NMT1: variants seen among roughly 807,000 people sequenced by gnomAD.
The protein encoded by NMT1 is N-myristoyltransferase 1.
NMT1 carries 12 observed loss-of-function variants against 63.4 expected under a neutral mutation model. The observed-to-expected ratio is 0.19, with a 90% CI of 0.12 to 0.31. NMT1 has a LOEUF of 0.31. Among genes scored for constraint, NMT1 ranks in the 10% least tolerant of loss-of-function variants. The pLI is 1.00. For synonymous variants in NMT1, 228 were observed against 234.3 expected (o/e 0.97, Z 0.25); for missense variants, 432 against 634.6 (o/e 0.68, Z 3.43).
chr17:45,077,475 T>TC (rs2053985563), intron 1 of NMT1, among the ~76,000 whole-genome samples: 1 of 152,184 alleles, frequency 6.6e-6, no homozygotes, highest in Non-Finnish European at 1.5e-5. Flanking sequence ...ACCACAATCT[T>TC]CACCTCCCAG....
intron 2 of NMT1, among the ~76,000 whole-genome samples, chr17:45,085,728 C>G (rs1567866756): frequency 6.6e-6 from 1 of 152,168 alleles, no homozygotes. Context: ...CATCATATAG[C>G]TCATTGTCAA....
intron 3 of NMT1, among the ~76,000 whole-genome samples, chr17:45,090,319 C>A (rs2054079945): frequency 6.6e-6 from 1 of 152,090 alleles, no homozygotes; most frequent in African/African-American, 2.4e-5. Context: ...AATGAAAGGC[C>A]TTCTTAGCAG....
intron 1 of NMT1, among the ~76,000 whole-genome samples, chr17:45,079,154 G>T (rs942562278): frequency 6.6e-6 from 1 of 150,730 alleles, no homozygotes; most frequent in Non-Finnish European, 1.5e-5. Context: ...CCCAGAGCTG[G>T]AGTGCAATGG....
rs557396383 is a variant in NMT1, at chr17:45,068,996, T to C, written c.131+7536T>C. 3.6e-4 allele frequency among the ~76,000 whole-genome samples: 54 copies of C among 151,758 alleles called. No individual in the cohort carries two copies. The South Asian group carries it at 0.011, about 31-fold the overall frequency. ...GTTTTTTTGAGACAGAGTCTCACTC[T>C]GTCGCCCAGGCTGGAGTGCAGTGGC... is the stretch of plus-strand genomic sequence containing the variant. On this transcript the variant is annotated intron_variant, in intron 1 of 11. Transcript: ENST00000258960.
chr17:45,086,740 G>T, intron 3 of NMT1, 88 bp downstream of exon 3: 5 of 1,405,090 alleles, frequency 3.6e-6, no homozygotes, highest in Non-Finnish European at 4.8e-6. Context: ...CTGAATTACT[G>T]TAGGGAGGGC....
intron 1 of NMT1, among the ~76,000 whole-genome samples, chr17:45,065,419 T>G (rs551202945): frequency 2.8e-4 from 42 of 152,030 alleles, no homozygotes; most frequent in Non-Finnish European, 5.4e-4. Flanking sequence ...GGTCAGGAGA[T>G]CGAGACCATC....
chr17:45,097,414 C>G (rs538833550), intron 6 of NMT1, among the ~76,000 whole-genome samples, 170 bp downstream of exon 6: 2 of 152,146 alleles, frequency 1.3e-5, no homozygotes, highest in Non-Finnish European at 2.9e-5. Flanking sequence ...ACCACCTGTT[C>G]TGCTCAGAGT....
At chr17:45,084,878 G>A (rs748921159) in intron 2 of NMT1, among the ~76,000 whole-genome samples, 10 of 152,100 alleles carry the variant, frequency 6.6e-5, no homozygotes, top group Non-Finnish European at 1.5e-4. Flanking sequence ...CATTTCAAAA[G>A]TGCATACCTT....
rs1029970421 is a variant in NMT1 at position 45,061,577 on chromosome 17, G to A, written c.131+117G>A. On this transcript the variant is annotated intron_variant, in intron 1 of 11. Transcript: ENST00000258960. ...CCACCCTCATGTTCTTATTGGCTAA[G>A]TCACTAGGATTCTGCCTGGCGATTG... 6.0e-4 allele frequency: 530 copies of A among 879,714 alleles called. 8 individuals carry two copies. The highest frequency in any genetic ancestry group is 4.0e-3 in the Middle Eastern group (11 of 2,782). The allele number at this position is 879,714 out of a possible 1,614,324, so 54.5% of individuals were successfully genotyped here. A position where few individuals can be genotyped will look rare whatever the true frequency, so the allele number is the denominator to read the frequency against.
chr17:45,080,285 C>A (rs888866611), intron 1 of NMT1, among the ~76,000 whole-genome samples: 3 of 151,856 alleles, frequency 2.0e-5, no homozygotes, highest in African/African-American at 4.8e-5. Flanking sequence ...CTTAGCCTCC[C>A]GAGTAGCTGG....
intron 2 of NMT1, among the ~76,000 whole-genome samples, 193 bp from the exon 3 acceptor site, chr17:45,086,315 G>A (rs2054052234): frequency 6.6e-6 from 1 of 151,936 alleles, no homozygotes; most frequent in Non-Finnish European, 1.5e-5. Flanking sequence ...AGTAGAGACA[G>A]GGTTTCACCA....
At chr17:45,068,580 G>C (rs925078894) in intron 1 of NMT1, among the ~76,000 whole-genome samples, 11 of 152,172 alleles carry the variant, frequency 7.2e-5, no homozygotes, top group Admixed American at 6.6e-4. Context: ...CTACGTAGTG[G>C]GCATTGTGCT....
chr17:45,079,559 A>G (rs1476303992), intron 1 of NMT1, among the ~76,000 whole-genome samples: 1 of 152,222 alleles, frequency 6.6e-6, no homozygotes, highest in South Asian at 2.1e-4. Flanking sequence ...TTTTAATTTA[A>G]TAAAACATTA....
chr17:45,096,014 T>C (rs904568712), intron 4 of NMT1, among the ~76,000 whole-genome samples, 180 bp from the exon 5 acceptor site: 2 of 152,176 alleles, frequency 1.3e-5, no homozygotes, highest in African/African-American at 2.4e-5. Flanking sequence ...AGTTTTCTAC[T>C]ATAACTAGGG....
intron 8 of NMT1, among the ~76,000 whole-genome samples, chr17:45,101,155 G>C (rs2054161832): frequency 6.6e-6 from 1 of 151,748 alleles, no homozygotes; most frequent in African/African-American, 2.4e-5. Context: ...TTGCACTCCA[G>C]CCTGGCCCAC....
chr17:45,072,623 G>A (rs559361302), intron 1 of NMT1, among the ~76,000 whole-genome samples: 129 of 145,220 alleles, frequency 8.9e-4, no homozygotes, highest in African/African-American at 2.9e-3. Flanking sequence ...GCAGTGGTGC[G>A]ATCTCAGCTC....
chr17:45,097,407 A>G (rs1247283739), intron 6 of NMT1, among the ~76,000 whole-genome samples, 163 bp downstream of exon 6: 1 of 151,958 alleles, frequency 6.6e-6, no homozygotes, highest in African/African-American at 2.4e-5. Context: ...CCTAGGAACC[A>G]CCTGTTCTGC....
intron 1 of NMT1, 147 bp downstream of exon 1, chr17:45,061,607 T>C: frequency 2.9e-6 from 2 of 679,206 alleles, no homozygotes; most frequent in Non-Finnish European, 4.9e-6. Flanking sequence ...CGATTGGTTA[T>C]TGCCTTTGTC....
chr17:45,069,314 C>CA (rs1598002370), intron 1 of NMT1, among the ~76,000 whole-genome samples: 2 of 118,200 alleles, frequency 1.7e-5, no homozygotes, highest in East Asian at 5.3e-4. Flanking sequence ...ATTTTTGAGA[C>CA]AGAGTCTCGC....
Sources: allele counts gnomAD v4.1 joint callset (sites outside exome capture counted in the v4.1 genomes callset), GRCh38; gene constraint gnomAD v4.1.1; transcripts MANE v1.5; gene names NCBI Gene and HGNC (gene_info 2026-07-23, HGNC 2026-07-21).